Variants in PRKCB observed in about 807,000 individuals in gnomAD.
The protein encoded by PRKCB is protein kinase C beta.
Under a neutral mutation model 81.5 loss-of-function variants are expected in PRKCB, and 13 were observed. The observed-to-expected ratio is 0.16, with a 90% CI of 0.10 to 0.25. The LOEUF (loss-of-function observed/expected upper bound fraction) is 0.25, where lower values mean the gene tolerates loss of function less well. Among genes scored for constraint, PRKCB ranks in the 10% least tolerant of loss-of-function variants. The pLI is 1.00. For synonymous variants in PRKCB, 335 were observed against 321.4 expected, an observed-to-expected ratio of 1.04 and a Z score of -0.45; for missense variants, 509 against 875.7, an observed-to-expected ratio of 0.58 and a Z score of 5.29.
intron 5 of PRKCB, among the ~76,000 whole-genome samples, chr16:24,064,541 T>C (rs1194113153): frequency 6.6e-6 from 1 of 152,226 alleles, no homozygotes; most frequent in African/African-American, 2.4e-5. Context: ...TTACAAAGAA[T>C]ATGTATCCTG....
At chr16:24,169,602 T>G (rs1440054841) in intron 10 of PRKCB, among the ~76,000 whole-genome samples, 1 of 152,100 alleles carries the variant, frequency 6.6e-6, no homozygotes, top group African/African-American at 2.4e-5. Flanking sequence ...TTTCGTCATC[T>G]CCTTCAAGTC....
At chr16:24,045,502 C>A (rs1309307267) in intron 5 of PRKCB, among the ~76,000 whole-genome samples, 1 of 152,166 alleles carries the variant, frequency 6.6e-6, no homozygotes, top group Non-Finnish European at 1.5e-5. Context: ...GCTAAACTGC[C>A]CCCTGCCCTC....
chr16:24,032,819 A>G (rs2141855310), intron 4 of PRKCB, among the ~76,000 whole-genome samples: 1 of 152,302 alleles, frequency 6.6e-6, no homozygotes, highest in Admixed American at 6.5e-5. Flanking sequence ...ATGCACAGTC[A>G]CAGTGTGGGA....
At chr16:24,211,366 C>T (rs755665877) in intron 16 of PRKCB, among the ~76,000 whole-genome samples, 2 of 152,142 alleles carry the variant, frequency 1.3e-5, no homozygotes, top group Non-Finnish European at 1.5e-5. Flanking sequence ...AGCCATGATG[C>T]GTTGATCACA....
intron 7 of PRKCB, chr16:24,111,301 ATT>A (rs1440965381): frequency 6.6e-6 from 1 of 152,232 alleles, no homozygotes; most frequent in Non-Finnish European, 1.5e-5. Context: ...GAGAGAAAAC[ATT>A]GTGATGAAAA....
At chr16:24,048,739 C>G (rs1326065646) in intron 5 of PRKCB, among the ~76,000 whole-genome samples, 1 of 152,234 alleles carries the variant, frequency 6.6e-6, no homozygotes, top group South Asian at 2.1e-4. Context: ...ACCTCGGCCC[C>G]CCAAAGTGCT....
chr16:23,965,397 A>G (rs1429531366), intron 2 of PRKCB, among the ~76,000 whole-genome samples: 1 of 152,150 alleles, frequency 6.6e-6, no homozygotes, highest in Non-Finnish European at 1.5e-5. Flanking sequence ...TGCACCGTGG[A>G]TGGGCACCTC....
chr16:23,841,448 TAAG>T (rs959428053), intron 2 of PRKCB, among the ~76,000 whole-genome samples: 4 of 152,078 alleles, frequency 2.6e-5, no homozygotes, highest in African/African-American at 7.2e-5. Flanking sequence ...AAGTCTTCTC[TAAG>T]AAGATTTTTG....
Position 24,035,489 on chromosome 16 carries a change from G to A in PRKCB, c.471G>A (p.Glu157=). 2 of 1,614,202 alleles carry A rather than the reference G, an allele frequency of 1.2e-6. No homozygotes were observed. The highest frequency in any genetic ancestry group is 1.3e-5 in the African/African-American group (1 of 75,058). The change falls in exon 5 of 17, where the codon GAG becomes GAA. Residue 157 remains glutamate (E), a synonymous_variant. Coordinates refer to ENST00000643927, the MANE Select transcript of PRKCB (RefSeq NM_002738.7). ...VPSLCGTDHT[E]RRGRIYIQAH... ...GCCTGTGTGGCACGGACCACACGGAGCGCCGCGGCCGCATCTACATCCAGG... is the reference window on the plus strand; with the variant it reads ...GCCTGTGTGGCACGGACCACACGGAACGCCGCGGCCGCATCTACATCCAGG...
At chr16:23,985,144 T>G (rs1964788363) in intron 2 of PRKCB, among the ~76,000 whole-genome samples, 1 of 152,158 alleles carries the variant, frequency 6.6e-6, no homozygotes, top group Admixed American at 6.5e-5. Flanking sequence ...CAGGCTGGAG[T>G]GCAGTGGCAT....
intron 2 of PRKCB, among the ~76,000 whole-genome samples, chr16:23,950,132 A>ATTTTTTT (rs34117735): frequency 3.1e-5 from 3 of 97,768 alleles, no homozygotes; most frequent in African/African-American, 1.2e-4. Flanking sequence ...TATGATTTGA[A>ATTTTTTT]TTTTTTTTTT....
rs756088877 is a variant in PRKCB at position 24,185,449 on chromosome 16, C to G, written c.1615-11C>G. 3.7e-6 allele frequency: 6 copies of G among 1,611,528 alleles called. No individual in the cohort carries two copies. In the African/African-American group the frequency reaches 8.0e-5, roughly 22 times the overall value. On this transcript the variant is annotated splice_polypyrimidine_tract_variant and intron_variant, in intron 14 of 16. Transcript: ENST00000643927. The stretch of plus-strand genomic sequence containing the variant: ...GGGATTCTTCTCCTCCCACCCTCCC[C>G]TGTCATACAGGCACCCTTTGAAGGG...
intron 8 of PRKCB, among the ~76,000 whole-genome samples, chr16:24,119,529 G>A (rs1396236295): frequency 2.0e-5 from 3 of 152,076 alleles, no homozygotes; most frequent in Non-Finnish European, 4.4e-5. Context: ...TCTGGAGAAT[G>A]GAGACTGTGA....
At chr16:24,077,966 C>A (rs1480528839) in intron 5 of PRKCB, among the ~76,000 whole-genome samples, 1 of 152,182 alleles carries the variant, frequency 6.6e-6, no homozygotes, top group Non-Finnish European at 1.5e-5. Flanking sequence ...GTAAACCCGC[C>A]TTCCTCAGAG....
intron 9 of PRKCB, among the ~76,000 whole-genome samples, chr16:24,129,877 T>G (rs1292210223): frequency 6.6e-6 from 1 of 152,262 alleles, no homozygotes; most frequent in Non-Finnish European, 1.5e-5. Context: ...AAACTTTTTC[T>G]TCAACATTTC....
chr16:24,133,670 A>G (rs1027804479), intron 9 of PRKCB, among the ~76,000 whole-genome samples: 6 of 152,232 alleles, frequency 3.9e-5, no homozygotes, highest in African/African-American at 1.4e-4. Flanking sequence ...GACAAGGACC[A>G]TGCCATGGAT....
chr16:23,880,641 A>G (rs1352103402), intron 2 of PRKCB, among the ~76,000 whole-genome samples: 1 of 151,848 alleles, frequency 6.6e-6, no homozygotes. Context: ...AGGGTACTAG[A>G]ATTTTCTCTG....
In PRKCB at chr16:24,214,606, G is replaced by A. The variant is rs889085795; in HGVS notation, c.1864-52G>A. ...TAGGTTCTGTTTTATTTTGGCTTTTGTTTTTGTTTTTTTTCCCACCCACCA... is the reference window on the plus strand; with the variant it reads ...TAGGTTCTGTTTTATTTTGGCTTTTATTTTTGTTTTTTTTCCCACCCACCA... On this transcript the variant is annotated intron_variant, in intron 16 of 16. Transcript: ENST00000643927. 4.0e-6 allele frequency: 6 copies of A among 1,499,546 alleles called. No homozygotes were observed. The East Asian group carries it at 1.4e-4, about 34-fold the overall frequency. The allele number at this position is 1,499,546 out of a possible 1,614,324, so 92.9% of individuals were successfully genotyped here.
chr16:23,929,118 T>G (rs949178724), intron 2 of PRKCB, among the ~76,000 whole-genome samples: 5 of 152,004 alleles, frequency 3.3e-5, no homozygotes, highest in African/African-American at 9.7e-5. Flanking sequence ...GGGTGCTGCA[T>G]AAGAGATGGC....
Sources: gnomAD v4.1 joint callset for allele counts (sites outside exome capture counted in the v4.1 genomes callset) on GRCh38, gnomAD v4.1.1 for gene constraint, MANE v1.5 for transcripts, NCBI Gene and HGNC (gene_info 2026-07-23, HGNC 2026-07-21) for gene names.